The following BTF3 variants were observed in gnomAD, a reference collection of about 807,000 sequenced individuals.
BTF3 encodes transcription factor BTF3.
A neutral mutation model predicts 23.9 loss-of-function variants in BTF3; 12 were observed. That is an observed-to-expected ratio of 0.50 (90% CI 0.32 to 0.81). The LOEUF (loss-of-function observed/expected upper bound fraction) is 0.81, where lower values mean the gene tolerates loss of function less well. BTF3 is among the 40% of genes least tolerant of loss of function. The pLI is 0.03. For missense variants in BTF3, 215 were observed against 255.9 expected, an observed-to-expected ratio of 0.84 and a Z score of 1.09; for synonymous variants, 96 against 94.8, an observed-to-expected ratio of 1.01 and a Z score of -0.07.
At chr5:73,502,854 A>G in intron 3 of BTF3, 62 bp from the exon 4 acceptor site, 2 of 1,532,904 alleles carry the variant, frequency 1.3e-6, no homozygotes, top group East Asian at 2.3e-5. Flanking sequence ...TAGTTTAATA[A>G]AACATTTGTT....
rs1021201187 is a variant in BTF3, at chr5:73,501,452, T to C, written c.202-1036T>C. Reference sequence around the variant, plus strand: ...TAGTAATAAGTGTTATGAAGAGAAATAAACCAGGATAGAAAGAAATTGATG... The same window carrying C: ...TAGTAATAAGTGTTATGAAGAGAAACAAACCAGGATAGAAAGAAATTGATG... On this transcript the variant is annotated intron_variant, in intron 2 of 5. Transcript: ENST00000380591. Among the ~76,000 whole-genome samples, 4 of 152,134 alleles carry C rather than the reference T, an allele frequency of 2.6e-5. No individual in the cohort carries two copies. In the South Asian group the frequency reaches 8.3e-4, roughly 32 times the overall value.
chr5:73,504,267 C>CTTTTTTTTTTTTTTTTTTT lies in BTF3; in HGVS notation c.518-73_518-55dup, dbSNP rs34051700. On this transcript the variant is annotated intron_variant, in intron 4 of 5. Coordinates refer to ENST00000380591, the MANE Select transcript of BTF3 (RefSeq NM_001037637.2). ...AACAACACTTGGCATTTCATCTGTT[C>CTTTTTTTTTTTTTTTTTTT]TTTTTTTTTTTTTTTTTTTTTTTTT... 26 of 125,376 alleles carry CTTTTTTTTTTTTTTTTTTT rather than the reference C, an allele frequency of 2.1e-4. 1 individual carries two copies. Among genetic ancestry groups the CTTTTTTTTTTTTTTTTTTT allele is most frequent in the African/African-American group, 3.5e-4 (6 of 17,338 alleles). 7.8% of individuals were successfully genotyped at this position (125,376 alleles called of 1,614,324 possible). A position where few individuals can be genotyped will look rare whatever the true frequency, so the allele number is the denominator to read the frequency against.
chr5:73,503,095 G>A lies in BTF3; in HGVS notation c.495G>A (p.Leu165=), dbSNP rs1561254841. 6.2e-7 allele frequency: 1 copy of A among 1,613,836 alleles called. No individual in the cohort carries two copies. Among genetic ancestry groups the A allele is most frequent in the Admixed American group, 1.7e-5 (1 of 60,022 alleles). ...ATAGTCTGACTAGTTTAAGGAGACT[G>A]GCCGAAGCTCTGCCCAAACAATGTG... ...GADSLTSLRR[L]AEALPKQSVD... is the part of the protein sequence containing the mutation. The change falls in exon 4 of 6, where the codon CTG becomes CTA. Residue 165 remains leucine (L), a synonymous_variant. Transcript: ENST00000380591.
At chr5:73,504,603 C>A in intron 5 of BTF3, 200 bp downstream of exon 5, 1 of 427,644 alleles carries the variant, frequency 2.3e-6, no homozygotes, top group Non-Finnish European at 4.2e-6. Flanking sequence ...TGTTTGGGAT[C>A]CCAAGGATGT....
At position 73,498,538 on chromosome 5, in the gene BTF3, C is replaced by T. The variant is rs1284529738; in HGVS notation, c.-130C>T. 4 of 1,336,602 alleles carry T rather than the reference C, an allele frequency of 3.0e-6. No homozygotes were observed. The highest frequency in any genetic ancestry group is 3.9e-6 in the Non-Finnish European group (4 of 1,036,206). 82.8% of individuals were successfully genotyped at this position (1,336,602 alleles called of 1,614,324 possible). ...GCACCAACCCTAGTCCCCCGCGCGG[C>T]CCCTTATTCGCTCCGACAAGGTACA... On this transcript the variant is annotated 5_prime_UTR_variant, in exon 1 of 6. Coordinates refer to ENST00000380591, the MANE Select transcript of BTF3 (RefSeq NM_001037637.2).
intron 2 of BTF3, among the ~76,000 whole-genome samples, chr5:73,500,675 G>T (rs1435371069): frequency 2.0e-5 from 3 of 152,158 alleles, no homozygotes; most frequent in African/African-American, 7.2e-5. Flanking sequence ...GGTGTTAGGT[G>T]CTCTTAGGTA....
intron 5 of BTF3, 70 bp from the exon 6 acceptor site, chr5:73,505,122 C>T: frequency 3.2e-6 from 4 of 1,246,638 alleles, no homozygotes; most frequent in African/African-American, 1.5e-5. Flanking sequence ...TCCTTCATCC[C>T]CTTTTAATAT....
chr5:73,502,889 T>C, intron 3 of BTF3, 27 bp from the exon 4 acceptor site: 1 of 1,601,062 alleles, frequency 6.2e-7, no homozygotes, highest in Non-Finnish European at 8.5e-7. Context: ...TCAGCATTGC[T>C]AATTTAAATT....
In BTF3 at chr5:73,505,400, T is replaced by A. The variant is rs1267941329; in HGVS notation, c.*162T>A. 48 of 573,384 alleles carry A rather than the reference T, an allele frequency of 8.4e-5. No homozygotes were observed. The highest frequency in any genetic ancestry group is 9.5e-5 in the Non-Finnish European group (32 of 335,640). The allele number at this position is 573,384 out of a possible 1,614,324, so 35.5% of individuals were successfully genotyped here. A position where few individuals can be genotyped will look rare whatever the true frequency, so the allele number is the denominator to read the frequency against. ...TTGGACACTGCAGCTCTTTTCAGTT[T>A]TTGCTTATACACAATTCATTCTTTG... is the stretch of plus-strand genomic sequence containing the variant. On this transcript the variant is annotated 3_prime_UTR_variant, in exon 6 of 6. Coordinates refer to ENST00000380591, the MANE Select transcript of BTF3 (RefSeq NM_001037637.2).
In BTF3 at chr5:73,498,601, G is replaced by A. The variant is rs1319239869; in HGVS notation, c.-67G>A. On this transcript the variant is annotated 5_prime_UTR_variant, in exon 1 of 6. Transcript: ENST00000380591. Reference sequence around the variant, plus strand: ...ACGGCGGCGTGGTAGGAGGACGGGAGCGGGGGCGGGAAGTTCCCTGAAGGA... The same window carrying A: ...ACGGCGGCGTGGTAGGAGGACGGGAACGGGGGCGGGAAGTTCCCTGAAGGA... 2 of 1,419,190 alleles carry A rather than the reference G, an allele frequency of 1.4e-6. No homozygotes were observed. The highest frequency in any genetic ancestry group is 1.5e-5 in the South Asian group (1 of 65,962). The allele number at this position is 1,419,190 out of a possible 1,614,324, so 87.9% of individuals were successfully genotyped here. A position where few individuals can be genotyped will look rare whatever the true frequency, so the allele number is the denominator to read the frequency against.
At chr5:73,498,991 T>A in intron 1 of BTF3, 143 bp from the exon 2 acceptor site, 1 of 1,247,926 alleles carries the variant, frequency 8.0e-7, no homozygotes, top group Non-Finnish European at 1.1e-6. Context: ...AACCCAAATT[T>A]GGAGCTTTGC....
intron 2 of BTF3, among the ~76,000 whole-genome samples, chr5:73,500,210 C>G (rs993542594): frequency 9.2e-5 from 14 of 152,268 alleles, no homozygotes; most frequent in Admixed American, 7.2e-4. Context: ...GATCCACACC[C>G]ACACATTTAA....
chr5:73,504,496 T>A, intron 5 of BTF3, 93 bp downstream of exon 5: 1 of 914,816 alleles, frequency 1.1e-6, no homozygotes, highest in Non-Finnish European at 1.7e-6. Context: ...AGAGGGGTGG[T>A]AAGTTAAGAT....
chr5:73,502,748 A>G, intron 3 of BTF3, 147 bp downstream of exon 3: 1 of 829,782 alleles, frequency 1.2e-6, no homozygotes, highest in Non-Finnish European at 1.9e-6. Context: ...AATAAATATC[A>G]GGGAGCTCAT....
At chr5:73,503,168 A>G in intron 4 of BTF3, 51 bp downstream of exon 4, 1 of 1,580,306 alleles carries the variant, frequency 6.3e-7, no homozygotes, top group African/African-American at 1.3e-5. Context: ...TTAGCAGCTG[A>G]TTTCTGATCT....
chr5:73,498,680 G>C lies in BTF3; in HGVS notation c.13G>C (p.Gly5Arg). ...GGAGAGGAAGGCGATGCGACGGACA[G>C]GCGCACCCGCTCAGGCTGACTCTCG... MRRTGAPAQADSRGR... is the reference protein window; with the variant it reads MRRTRAPAQADSRGR... Residue 5 changes from glycine (G) to arginine (R), a missense_variant, in exon 1 of 6, where the codon GGC (glycine) becomes CGC (arginine). By Grantham distance (125) the Gly-to-Arg change is moderately radical. This residue lies in a region of BTF3 where 116 missense variants were observed against 84.7 expected (regional missense o/e 1.37). Coordinates refer to ENST00000380591, the MANE Select transcript of BTF3 (RefSeq NM_001037637.2). 6.7e-7 allele frequency: 1 copy of C among 1,500,688 alleles called. No individual in the cohort carries two copies. Among genetic ancestry groups the C allele is most frequent in the African/African-American group, 1.5e-5 (1 of 68,650 alleles). The allele number at this position is 1,500,688 out of a possible 1,614,324, so 93.0% of individuals were successfully genotyped here. A position where few individuals can be genotyped will look rare whatever the true frequency, so the allele number is the denominator to read the frequency against.
At chr5:73,498,857 CA>C in intron 1 of BTF3, 58 bp downstream of exon 1, 1 of 1,491,416 alleles carries the variant, frequency 6.7e-7, no homozygotes, top group South Asian at 1.3e-5. Flanking sequence ...AGGCCGAGGC[CA>C]GGCCAGGGCC....
intron 4 of BTF3, 80 bp from the exon 5 acceptor site, chr5:73,504,267 C>CTTTTTTTTATTTTTTT (rs1746505125): frequency 8.4e-6 from 1 of 118,606 alleles, no homozygotes; most frequent in African/African-American, 5.9e-5. Flanking sequence ...TTCATCTGTT[C>CTTTTTTTTATTTTTTT]TTTTTTTTTT....
chr5:73,498,466 C>G lies in BTF3; in HGVS notation c.-202C>G. On this transcript the variant is annotated 5_prime_UTR_variant, in exon 1 of 6. Coordinates refer to ENST00000380591, the MANE Select transcript of BTF3 (RefSeq NM_001037637.2). ...TCCCTTTAGCTGCCATCTTGCGTCCCCGCGTGTGTGCGCCTAATCTCAGGT... is the reference window on the plus strand; with the variant it reads ...TCCCTTTAGCTGCCATCTTGCGTCCGCGCGTGTGTGCGCCTAATCTCAGGT... The G allele has an allele frequency of 1.6e-6, 1 of 627,258 alleles. No individual in the cohort carries two copies. Among genetic ancestry groups the G allele is most frequent in the Non-Finnish European group, 2.4e-6 (1 of 412,026 alleles). 38.9% of individuals were successfully genotyped at this position (627,258 alleles called of 1,614,324 possible). A position where few individuals can be genotyped will look rare whatever the true frequency, so the allele number is the denominator to read the frequency against.
Sources: gnomAD v4.1 joint callset for allele counts (sites outside exome capture counted in the v4.1 genomes callset) on GRCh38, gnomAD v4.1.1 for gene constraint, gnomAD v4.1.1 regional missense constraint, MANE v1.5 for transcripts, NCBI Gene and HGNC (gene_info 2026-07-23, HGNC 2026-07-21) for gene names.